The following TMC4 variants were observed in gnomAD, a reference collection of about 807,000 sequenced individuals.
TMC4 encodes voltage-gated chloride channel TMC4.
TMC4 carries 70 observed loss-of-function variants against 82.0 expected under a neutral mutation model. The ratio of observed to expected loss-of-function variants is 0.85; its 90% CI spans 0.70 to 1.04. TMC4 has a LOEUF of 1.04. Ranked by LOEUF, TMC4 falls within the 50% of genes least tolerant of loss-of-function variation. The pLI is 0.00. For synonymous variants in TMC4, 446 were observed against 406.0 expected, an observed-to-expected ratio of 1.10 and a Z score of -1.18; for missense variants, 879 against 899.0, an observed-to-expected ratio of 0.98 and a Z score of 0.28.
chr19:54,168,205 C>T lies in TMC4; in HGVS notation c.763G>A (p.Val255Ile), dbSNP rs1449389378. Reference protein sequence around the residue: ...AVTYLCWAFAVGLICLLLILH... With the variant: ...AVTYLCWAFAIGLICLLLILH... Reference sequence around the variant, plus strand: ...ATGAGCAGGAGGCAGATGAGGCCAACGGCAAAGGCCCAGCACAGGTAGGTG... The same window carrying T: ...ATGAGCAGGAGGCAGATGAGGCCAATGGCAAAGGCCCAGCACAGGTAGGTG... The change falls in exon 5 of 15, where the codon GTT becomes ATT. Residue 255 changes from valine to isoleucine, a missense_variant. Physicochemically the swap from Val to Ile is conservative, Grantham distance 29 (BLOSUM62 3). Coordinates refer to ENST00000619895, the MANE Select transcript of TMC4 (RefSeq NM_144686.4). The T allele has an allele frequency of 1.8e-5, 29 of 1,599,614 alleles. No homozygotes were observed. The highest frequency in any genetic ancestry group is 2.4e-5 in the Non-Finnish European group (28 of 1,173,016).
In TMC4 at chr19:54,169,448, C is replaced by T. The variant is rs545178863; in HGVS notation, c.442+64G>A. The T allele has an allele frequency of 5.0e-4, 766 of 1,538,458 alleles. 3 individuals are homozygous for T. The African/African-American group carries it at 8.6e-3, about 17-fold the overall frequency. ...CAAACCCAGGAGTCCGTCCCCAGCC[C>T]CTCCTCCCTCAGACCCAGGAGTCCA... is the stretch of plus-strand genomic sequence containing the variant. On this transcript the variant is annotated intron_variant, in intron 3 of 14. Coordinates refer to ENST00000619895, the MANE Select transcript of TMC4 (RefSeq NM_144686.4).
intron 2 of TMC4, among the ~76,000 whole-genome samples, chr19:54,171,072 C>G (rs1456413293): frequency 6.0e-5 from 3 of 50,218 alleles, no homozygotes; most frequent in Non-Finnish European, 1.2e-4. Flanking sequence ...CATATATATA[C>G]ATATATATGT....
Position 54,160,905 on chromosome 19 carries a change from A to G in TMC4, c.1946T>C (p.Phe649Ser). 2 of 1,614,084 alleles carry G rather than the reference A, an allele frequency of 1.2e-6. No homozygotes were observed. Among genetic ancestry groups the G allele is most frequent in the Non-Finnish European group, 1.7e-6 (2 of 1,180,012 alleles). ...GGAGATCAGCAGAAGGGGCACAGCA[A>G]AAGCCTGGGTCCCCAGGAAGAAGAG... ...NFLFFLGTQA[F>S]AVPLLLISSI... Residue 649 changes from phenylalanine to serine, a missense_variant, in exon 13 of 15, where the codon TTT becomes TCT. Coordinates refer to ENST00000619895, the MANE Select transcript of TMC4 (RefSeq NM_144686.4).
Position 54,173,132 on chromosome 19 carries a change from C to G in TMC4, c.-15G>C, listed in dbSNP as rs1350222685. ...TTTTCTTCCATGGCCCCAGGCTGGGCTGTCTCTAGTGGCCACCAGGCAGAC... is the reference window on the plus strand; with the variant it reads ...TTTTCTTCCATGGCCCCAGGCTGGGGTGTCTCTAGTGGCCACCAGGCAGAC... On this transcript the variant is annotated 5_prime_UTR_variant, in exon 1 of 15. Coordinates refer to ENST00000619895, the MANE Select transcript of TMC4 (RefSeq NM_144686.4). The G allele has an allele frequency of 1.2e-6, 2 of 1,613,186 alleles. No homozygotes were observed. The highest frequency in any genetic ancestry group is 1.3e-5 in the African/African-American group (1 of 74,884).
In TMC4 at chr19:54,168,490, C is replaced by G; in HGVS notation, c.633G>C (p.Leu211=). 2 of 1,546,956 alleles carry G rather than the reference C, an allele frequency of 1.3e-6. 1 individual carries two copies. The highest frequency in any genetic ancestry group is 2.4e-5 in the South Asian group (2 of 83,744). The change falls in exon 4 of 15, where the codon CTG becomes CTC. Residue 211 remains leucine (L), a synonymous_variant. Coordinates refer to ENST00000619895, the MANE Select transcript of TMC4 (RefSeq NM_144686.4). ...TGAAGAGCTGGGTGGCAAAGGTGAC[C>G]AGGCCCTGGGAGTGGGGGTTATAGG... ...CGSYNPHSQG[L]VTFATQLFNL...
intron 13 of TMC4, 165 bp downstream of exon 13, chr19:54,160,713 G>T: frequency 2.1e-6 from 3 of 1,408,664 alleles, no homozygotes; most frequent in South Asian, 1.3e-5. Flanking sequence ...CCTACGTCCC[G>T]CCCACCTCCT....
intron 5 of TMC4, 121 bp downstream of exon 5, chr19:54,168,050 C>T: frequency 7.9e-7 from 1 of 1,272,656 alleles, no homozygotes; most frequent in Non-Finnish European, 1.1e-6. Flanking sequence ...GCAATAAGAG[C>T]AAAACTCCGT....
At chr19:54,162,379 G>T (rs2075580837) in intron 10 of TMC4, 94 bp from the exon 11 acceptor site, 16 of 477,114 alleles carry the variant, frequency 3.4e-5, no homozygotes, top group Non-Finnish European at 4.0e-5. Flanking sequence ...GGAAGCATGC[G>T]TATTGGTGGT....
At chr19:54,169,287 G>A (rs1484318573) in intron 3 of TMC4, among the ~76,000 whole-genome samples, 1 of 151,438 alleles carries the variant, frequency 6.6e-6, no homozygotes, top group Non-Finnish European at 1.5e-5. Flanking sequence ...CACCCACCTC[G>A]GCCTCCCAAA....
chr19:54,172,946 C>T (rs1261423951), intron 1 of TMC4, 93 bp downstream of exon 1: 17 of 1,101,628 alleles, frequency 1.5e-5, no homozygotes, highest in Non-Finnish European at 2.0e-5. Context: ...AGCCCTCAGA[C>T]TCAGGAGGCC....
At chr19:54,162,819 G>C in intron 9 of TMC4, 49 bp from the exon 10 acceptor site, 2 of 1,557,380 alleles carry the variant, frequency 1.3e-6, no homozygotes, top group East Asian at 4.5e-5. Context: ...CCGGGCACCT[G>C]GAGGCCCACG....
chr19:54,163,657 C>A, intron 8 of TMC4, 67 bp downstream of exon 8: 2 of 1,568,438 alleles, frequency 1.3e-6, no homozygotes, highest in South Asian at 1.1e-5. Flanking sequence ...TCTTACCTGT[C>A]AGCGCCAACA....
chr19:54,172,961 C>G, intron 1 of TMC4, 78 bp downstream of exon 1: 1 of 1,295,238 alleles, frequency 7.7e-7, no homozygotes, highest in South Asian at 1.3e-5. Flanking sequence ...GAGGCCAGGC[C>G]TCCCCTTTCC....
intron 5 of TMC4, among the ~76,000 whole-genome samples, chr19:54,166,917 C>T (rs1271649144): frequency 6.6e-6 from 1 of 151,706 alleles, no homozygotes. Flanking sequence ...CGCACTACTG[C>T]ACTCTAGCCT....
At chr19:54,162,840 T>G (rs1351036408) in intron 9 of TMC4, 70 bp from the exon 10 acceptor site, 2 of 1,522,954 alleles carry the variant, frequency 1.3e-6, no homozygotes, top group Non-Finnish European at 1.8e-6. Context: ...CGTCCGAGTC[T>G]CCACATCGCA....
At position 54,163,034 on chromosome 19, in the gene TMC4, G is replaced by A. The variant is rs1046190343; in HGVS notation, c.1403C>T (p.Pro468Leu). 2.5e-6 allele frequency: 4 copies of A among 1,614,120 alleles called. No homozygotes were observed. Among genetic ancestry groups the A allele is most frequent in the Non-Finnish European group, 3.4e-6 (4 of 1,180,030 alleles). Reference sequence around the variant, plus strand: ...CACGCACACCCATGCCGTTCTCACCGGAAGTTGTTTGTAATTGTAGCCACA... The same window carrying A: ...CACGCACACCCATGCCGTTCTCACCAGAAGTTGTTTGTAATTGTAGCCACA... The part of the protein sequence containing the change: ...KTCGYNYKQL[P>L]CWETVLGQEM... The change falls in exon 9 of 15, where the codon CCG (proline) becomes CTG (leucine). Residue 468 changes from proline (P) to leucine (L), a missense_variant and splice_region_variant. Physicochemically the swap from Pro to Leu is moderately conservative, Grantham distance 98. Coordinates refer to ENST00000619895, the MANE Select transcript of TMC4 (RefSeq NM_144686.4).
chr19:54,161,766 TC>T (rs1305707949), intron 11 of TMC4, among the ~76,000 whole-genome samples: 1 of 152,126 alleles, frequency 6.6e-6, no homozygotes, highest in African/African-American at 2.4e-5. Flanking sequence ...GGTCTCAAAC[TC>T]CTGACCTCAG....
intron 2 of TMC4, among the ~76,000 whole-genome samples, chr19:54,170,005 G>T (rs1320616068): frequency 1.3e-5 from 2 of 152,098 alleles, no homozygotes; most frequent in Non-Finnish European, 2.9e-5. Context: ...AGAGGCTGAG[G>T]CAGGAAAATT....
At chr19:54,172,614 T>C (rs1600604427) in intron 1 of TMC4, 1 of 278,208 alleles carries the variant, frequency 3.6e-6, no homozygotes, top group Non-Finnish European at 6.5e-6. Context: ...TCCCAGCCCC[T>C]CCTCCCTCAG....
Sources: gnomAD v4.1 joint callset for allele counts (sites outside exome capture counted in the v4.1 genomes callset) on GRCh38, gnomAD v4.1.1 for gene constraint, MANE v1.5 for transcripts, NCBI Gene and HGNC (gene_info 2026-07-23, HGNC 2026-07-21) for gene names.